Variants in TUT4 observed in about 807,000 individuals in gnomAD.
TUT4 encodes terminal uridylyl transferase 4.
In TUT4, 36 loss-of-function variants were observed where a neutral mutation model predicts 192.2. The observed-to-expected ratio is 0.19, with a 90% CI of 0.14 to 0.25. TUT4 has a LOEUF of 0.25. Among genes scored for constraint, TUT4 ranks in the 10% least tolerant of loss-of-function variants. The pLI, the probability that TUT4 is intolerant of heterozygous loss-of-function variation, is 1.00. For synonymous variants in TUT4, 618 were observed against 666.0 expected (o/e 0.93, Z 1.11); for missense variants, 1,493 against 1,957.2 (o/e 0.76, Z 4.47).
Position 52,435,381 on chromosome 1 carries a change from C to T in TUT4, c.4247G>A (p.Arg1416Lys), listed in dbSNP as rs771881019. 1 of 1,613,848 alleles carries T rather than the reference C, an allele frequency of 6.2e-7. No individual in the cohort carries two copies. The highest frequency in any genetic ancestry group is 8.5e-7 in the Non-Finnish European group (1 of 1,179,754). The stretch of plus-strand genomic sequence containing the variant: ...AGTACTTACACATTCTGATGACTGT[C>T]TAGTCCTTATGGACTGATCACCCTG... ...QQQGDQSIRT[R>K]QSSECSESPS... Residue 1416 changes from arginine to lysine, a missense_variant, in exon 27 of 30, where the codon AGA (arginine) becomes AAA (lysine). Arg to Lys is a conservative substitution (Grantham distance 26, BLOSUM62 2). Around this residue, in one of 7 missense-constraint regions of TUT4, gnomAD observed 351 missense variants for 397.8 expected, o/e 0.88. Transcript: ENST00000257177.
At chr1:52,503,317 TTAAA>T (rs1409568840) in intron 4 of TUT4, among the ~76,000 whole-genome samples, 8 of 152,148 alleles carry the variant, frequency 5.3e-5, no homozygotes, top group African/African-American at 1.4e-4. Context: ...GAAAGATTAA[TTAAA>T]TGATTATTTA....
At chr1:52,501,759 A>T (rs1303061040) in intron 4 of TUT4, among the ~76,000 whole-genome samples, 1 of 152,224 alleles carries the variant, frequency 6.6e-6, no homozygotes, top group Non-Finnish European at 1.5e-5. Flanking sequence ...TACAGATACG[A>T]TGGAATATTA....
At chr1:52,465,226 T>A in intron 15 of TUT4, 53 bp from the exon 16 acceptor site, 16 of 1,213,370 alleles carry the variant, frequency 1.3e-5, no homozygotes, top group Non-Finnish European at 1.8e-5. Flanking sequence ...AGAGGAGGAG[T>A]CTTCTGCTAT....
At chr1:52,526,488 T>TAA (rs11309315) in intron 1 of TUT4, 115 bp from the exon 2 acceptor site, 68 of 229,126 alleles carry the variant, frequency 3.0e-4, no homozygotes, top group Non-Finnish European at 4.0e-4. Context: ...AAGAAATTGT[T>TAA]AAAAAAAAAA....
intron 1 of TUT4, among the ~76,000 whole-genome samples, chr1:52,539,988 G>A (rs1686076811): frequency 6.6e-6 from 1 of 151,676 alleles, no homozygotes; most frequent in Admixed American, 6.6e-5. Context: ...GGAGGCCAAG[G>A]CGGGCAGATC....
chr1:52,518,716 CA>C (rs1459816327), intron 2 of TUT4, among the ~76,000 whole-genome samples: 5 of 152,106 alleles, frequency 3.3e-5, no homozygotes, highest in Admixed American at 3.3e-4. Context: ...CACAGAAGAC[CA>C]CATATTGTAT....
chr1:52,486,841 T>C (rs749504582), intron 9 of TUT4, among the ~76,000 whole-genome samples: 4 of 152,166 alleles, frequency 2.6e-5, no homozygotes, highest in Non-Finnish European at 5.9e-5. Flanking sequence ...ACAATATTTA[T>C]GGGCCATATT....
intron 15 of TUT4, among the ~76,000 whole-genome samples, chr1:52,465,785 G>C (rs921010887): frequency 6.6e-6 from 1 of 152,078 alleles, no homozygotes; most frequent in Non-Finnish European, 1.5e-5. Flanking sequence ...ATTATGATAG[G>C]GTTAACCCTT....
intron 4 of TUT4, 147 bp from the exon 5 acceptor site, chr1:52,497,330 CAA>C: frequency 2.5e-6 from 2 of 794,568 alleles, no homozygotes; most frequent in Non-Finnish European, 3.8e-6. Context: ...CGGAAGTGAA[CAA>C]AAGACTTCTG....
chr1:52,509,343 T>C (rs772894793), intron 4 of TUT4, among the ~76,000 whole-genome samples: 13 of 152,154 alleles, frequency 8.5e-5, no homozygotes, highest in African/African-American at 1.4e-4. Flanking sequence ...TAAACATCAG[T>C]TGGATGGACT....
intron 1 of TUT4, among the ~76,000 whole-genome samples, chr1:52,536,715 G>A (rs972428038): frequency 2.6e-5 from 4 of 152,176 alleles, no homozygotes; most frequent in African/African-American, 4.8e-5. Flanking sequence ...ATAAGAGGGC[G>A]TGGTGGTGGG....
At chr1:52,429,386 A>G (rs1651224551) in intron 28 of TUT4, among the ~76,000 whole-genome samples, 1 of 151,568 alleles carries the variant, frequency 6.6e-6, no homozygotes, top group African/African-American at 2.4e-5. Flanking sequence ...TTATCACTAA[A>G]AAGTTGGGCA....
At chr1:52,468,702 T>C (rs764711143) in intron 14 of TUT4, among the ~76,000 whole-genome samples, 9 of 152,166 alleles carry the variant, frequency 5.9e-5, no homozygotes, top group Non-Finnish European at 1.2e-4. Flanking sequence ...ATCTTCCCTA[T>C]AAACTGTTTT....
chr1:52,428,362 C>T (rs1251324710), intron 28 of TUT4, among the ~76,000 whole-genome samples: 1 of 151,946 alleles, frequency 6.6e-6, no homozygotes, highest in South Asian at 2.1e-4. Flanking sequence ...CGCGGTGGCT[C>T]ACACCTGTAA....
intron 2 of TUT4, among the ~76,000 whole-genome samples, chr1:52,524,816 C>CA (rs111533257): frequency 6.6e-5 from 10 of 151,074 alleles, no homozygotes; most frequent in South Asian, 2.1e-4. Flanking sequence ...AAACAAAAAA[C>CA]AAAAAAAAAT....
intron 1 of TUT4, among the ~76,000 whole-genome samples, chr1:52,528,576 C>T (rs1269414735): frequency 4.6e-5 from 7 of 152,002 alleles, no homozygotes; most frequent in African/African-American, 1.7e-4. Flanking sequence ...AATTCAGATC[C>T]GTTTCTAAAC....
chr1:52,445,356 G>A lies in TUT4; in HGVS notation c.3822+431C>T, dbSNP rs143024019. 2.3e-3 allele frequency among the ~76,000 whole-genome samples: 352 copies of A among 152,092 alleles called. 2 individuals are homozygous for A. Among genetic ancestry groups the A allele is most frequent in the African/African-American group, 8.2e-3 (338 of 41,448 alleles). On this transcript the variant is annotated intron_variant, in intron 24 of 29. Coordinates refer to ENST00000257177, the MANE Select transcript of TUT4 (RefSeq NM_001009881.3). ...CCAACAAATAATAAAATATTTCTTCGGTTTTGTCTTCTATGTGTATATTTT... is the reference window on the plus strand; with the variant it reads ...CCAACAAATAATAAAATATTTCTTCAGTTTTGTCTTCTATGTGTATATTTT...
At position 52,463,246 on chromosome 1, in the gene TUT4, T is replaced by C. The variant is rs1051576260; in HGVS notation, c.3070-1477A>G. 7.1e-6 allele frequency: 7 copies of C among 987,676 alleles called. No homozygotes were observed. The African/African-American group carries it at 1.2e-4, about 17-fold the overall frequency. The allele number at this position is 987,676 out of a possible 1,614,324, so 61.2% of individuals were successfully genotyped here. On this transcript the variant is annotated intron_variant, in intron 16 of 29. Transcript: ENST00000257177. The stretch of plus-strand genomic sequence containing the variant: ...ATATCTAAAACTCTAACCTCTTTCC[T>C]GGGTATAAAAATCATTTCCTATTCC...
chr1:52,474,742 A>T (rs918186973), intron 13 of TUT4, 90 bp downstream of exon 13: 22 of 1,128,374 alleles, frequency 1.9e-5, no homozygotes, highest in Non-Finnish European at 2.4e-5. Context: ...ACCACTTTAT[A>T]TAGCTATTTT....
Sources: allele counts gnomAD v4.1 joint callset (sites outside exome capture counted in the v4.1 genomes callset), GRCh38; gene constraint gnomAD v4.1.1; regional missense constraint gnomAD v4.1.1; transcripts MANE v1.5; gene names NCBI Gene and HGNC (gene_info 2026-07-23, HGNC 2026-07-21).